Variants in HS6ST3 observed in about 807,000 individuals in gnomAD.
HS6ST3 encodes the protein heparan sulfate 6-O-sulfotransferase 3.
In HS6ST3, 12 loss-of-function variants were observed where a neutral mutation model predicts 36.7. The ratio of observed to expected loss-of-function variants is 0.33; its 90% CI spans 0.21 to 0.53. The LOEUF (loss-of-function observed/expected upper bound fraction) is 0.53. Among genes scored for constraint, HS6ST3 ranks in the 20% least tolerant of loss-of-function variants. The pLI is 0.95. For missense variants in HS6ST3, 584 were observed against 640.9 expected, an observed-to-expected ratio of 0.91 and a Z score of 0.96; for synonymous variants, 240 against 257.5, an observed-to-expected ratio of 0.93 and a Z score of 0.65.
At chr13:96,452,514 CA>C (rs1444677230) in intron 1 of HS6ST3, among the ~76,000 whole-genome samples, 2 of 151,410 alleles carry the variant, frequency 1.3e-5, no homozygotes, top group Non-Finnish European at 2.9e-5. Flanking sequence ...ATTTTCTTTT[CA>C]AAAATGTGAA....
intron 1 of HS6ST3, among the ~76,000 whole-genome samples, chr13:96,429,902 G>GT (rs1483476672): frequency 1.3e-5 from 2 of 152,200 alleles, no homozygotes; most frequent in Non-Finnish European, 2.9e-5. Context: ...GCCACTGTGT[G>GT]TTACTGGATT....
rs945185573 is a variant in HS6ST3 at position 96,834,417 on chromosome 13, A to G, written c.*1219A>G. The stretch of plus-strand genomic sequence containing the variant: ...CTACATGATCTTTACCTGTTGTTAG[A>G]CTGTGGCCACAGCCAGTAAATCAGG... On this transcript the variant is annotated 3_prime_UTR_variant, in exon 2 of 2. Transcript: ENST00000376705. 3 of 152,198 alleles carry G rather than the reference A, an allele frequency of 2.0e-5. No homozygotes were observed. Among genetic ancestry groups the G allele is most frequent in the African/African-American group, 7.2e-5 (3 of 41,446 alleles). The allele number at this position is 152,198 out of a possible 1,614,324, so 9.4% of individuals were successfully genotyped here. A position where few individuals can be genotyped will look rare whatever the true frequency, so the allele number is the denominator to read the frequency against.
intron 1 of HS6ST3, among the ~76,000 whole-genome samples, chr13:96,218,514 G>T (rs560189214): frequency 5.3e-5 from 8 of 152,178 alleles, no homozygotes; most frequent in Non-Finnish European, 8.8e-5. Context: ...GTTCCTCCGG[G>T]AACATGCCAG....
In HS6ST3 at chr13:96,170,861, CTG is replaced by C. The variant is rs75379888; in HGVS notation, c.707+79294_707+79295del. Among the ~76,000 whole-genome samples, 63 of 152,318 alleles carry C rather than the reference CTG, an allele frequency of 4.1e-4. No homozygotes were observed. In the East Asian group the frequency reaches 0.012, roughly 28 times the overall value. On this transcript the variant is annotated intron_variant, in intron 1 of 1. Transcript: ENST00000376705. ...TAGCACAGAAACGTGGTGGAGGAAA[CTG>C]TATTGAATTTCTGGAAGTAGGAATG... is the stretch of plus-strand genomic sequence containing the variant.
At chr13:96,330,451 T>G (rs1407899644) in intron 1 of HS6ST3, among the ~76,000 whole-genome samples, 3 of 147,810 alleles carry the variant, frequency 2.0e-5, no homozygotes, top group Admixed American at 6.7e-5. Context: ...AAGCTTAGTT[T>G]GGCTGGATAT....
At chr13:96,393,036 A>T (rs1015583186) in intron 1 of HS6ST3, among the ~76,000 whole-genome samples, 2 of 152,098 alleles carry the variant, frequency 1.3e-5, no homozygotes, top group Non-Finnish European at 2.9e-5. Flanking sequence ...TACCGTTTCC[A>T]TGATAGTAAC....
intron 1 of HS6ST3, among the ~76,000 whole-genome samples, chr13:96,823,471 C>T (rs942222357): frequency 2.0e-5 from 3 of 151,912 alleles, no homozygotes; most frequent in East Asian, 1.9e-4. Context: ...AAACATTCAC[C>T]GTCTTTTTAA....
At chr13:96,801,096 G>A (rs1878056502) in intron 1 of HS6ST3, among the ~76,000 whole-genome samples, 1 of 152,038 alleles carries the variant, frequency 6.6e-6, no homozygotes, top group Admixed American at 6.6e-5. Flanking sequence ...TGACGCAGTT[G>A]TCCACTCCCT....
chr13:96,463,548 T>C (rs1307469565), intron 1 of HS6ST3, among the ~76,000 whole-genome samples: 1 of 152,172 alleles, frequency 6.6e-6, no homozygotes, highest in African/African-American at 2.4e-5. Context: ...AAAATATTTC[T>C]TGAACAAGAC....
At chr13:96,243,942 T>C (rs2054573128) in intron 1 of HS6ST3, among the ~76,000 whole-genome samples, 1 of 152,062 alleles carries the variant, frequency 6.6e-6, no homozygotes, top group African/African-American at 2.4e-5. Context: ...TCTGGAAATA[T>C]CTTTATCTCC....
At chr13:96,403,645 G>A (rs896243403) in intron 1 of HS6ST3, among the ~76,000 whole-genome samples, 4 of 152,148 alleles carry the variant, frequency 2.6e-5, no homozygotes, top group African/African-American at 9.7e-5. Context: ...GTTATTTGAA[G>A]CAACTATTTG....
At chr13:96,549,195 C>T (rs2056209536) in intron 1 of HS6ST3, among the ~76,000 whole-genome samples, 1 of 152,164 alleles carries the variant, frequency 6.6e-6, no homozygotes, top group African/African-American at 2.4e-5. Flanking sequence ...ACTGACCAGA[C>T]CTCCCTTTTT....
chr13:96,138,204 G>A (rs956023786), intron 1 of HS6ST3, among the ~76,000 whole-genome samples: 61 of 152,150 alleles, frequency 4.0e-4, no homozygotes, highest in African/African-American at 1.5e-3. Flanking sequence ...TCAAATTTAT[G>A]AATAGCTTTA....
chr13:96,207,818 T>C (rs748677446), intron 1 of HS6ST3, among the ~76,000 whole-genome samples: 25 of 152,044 alleles, frequency 1.6e-4, no homozygotes, highest in Non-Finnish European at 2.8e-4. Context: ...ACACACACAC[T>C]AGGGCCTGTA....
intron 1 of HS6ST3, among the ~76,000 whole-genome samples, chr13:96,721,790 C>A (rs1327578885): frequency 1.3e-5 from 2 of 152,176 alleles, no homozygotes; most frequent in South Asian, 2.1e-4. Context: ...TTCCTGGAGC[C>A]AAGCTCATTA....
intron 1 of HS6ST3, among the ~76,000 whole-genome samples, chr13:96,688,212 G>GCA (rs1874841008): frequency 5.4e-5 from 1 of 18,628 alleles, no homozygotes; most frequent in African/African-American, 1.5e-4. Context: ...AGAACTTAAA[G>GCA]TATAATAATA....
chr13:96,494,758 A>C (rs1193697460), intron 1 of HS6ST3, among the ~76,000 whole-genome samples: 1 of 152,112 alleles, frequency 6.6e-6, no homozygotes, highest in Non-Finnish European at 1.5e-5. Flanking sequence ...ATGCTGGTTC[A>C]ACCCCATTAG....
intron 1 of HS6ST3, among the ~76,000 whole-genome samples, chr13:96,379,391 C>A (rs535710627): frequency 6.6e-6 from 1 of 152,290 alleles, no homozygotes; most frequent in South Asian, 2.1e-4. Flanking sequence ...CTTGCTTGTG[C>A]CCTCCTGCGA....
At chr13:96,556,763 C>A (rs2056242545) in intron 1 of HS6ST3, among the ~76,000 whole-genome samples, 1 of 152,098 alleles carries the variant, frequency 6.6e-6, no homozygotes, top group Non-Finnish European at 1.5e-5. Context: ...TGTCTGTGTT[C>A]CCAACCATCC....
Sources: allele counts gnomAD v4.1 joint callset (sites outside exome capture counted in the v4.1 genomes callset), GRCh38; gene constraint gnomAD v4.1.1; transcripts MANE v1.5; gene names NCBI Gene and HGNC (gene_info 2026-07-23, HGNC 2026-07-21).